BRPF3: variants seen among roughly 807,000 people sequenced by gnomAD.
BRPF3 encodes the protein bromodomain and PHD finger-containing protein 3.
Under a neutral mutation model 102.0 loss-of-function variants are expected in BRPF3, and 18 were observed. The observed-to-expected ratio is 0.18, with a 90% confidence interval of 0.12 to 0.26. The LOEUF is 0.26. Ranked by LOEUF, BRPF3 falls within the 10% of genes least tolerant of loss-of-function variation. The pLI is 1.00. For missense variants in BRPF3, 1,147 were observed against 1,567.8 expected, an observed-to-expected ratio of 0.73 and a Z score of 4.53; for synonymous variants, 570 against 614.2, an observed-to-expected ratio of 0.93 and a Z score of 1.06.
chr6:36,210,058 A>G lies in BRPF3; in HGVS notation c.1866+143A>G. The G allele has an allele frequency of 7.1e-7, 1 of 1,413,280 alleles. No individual in the cohort carries two copies. The highest frequency in any genetic ancestry group is 9.8e-7 in the Non-Finnish European group (1 of 1,024,854). The allele number at this position is 1,413,280 out of a possible 1,614,324, so 87.5% of individuals were successfully genotyped here. A position where few individuals can be genotyped will look rare whatever the true frequency, so the allele number is the denominator to read the frequency against. ...GGCAAAGCTAGTAGACTTGCCCTTG[A>G]TGAGGGGTCAGCAGGCCAGGGTGGG... On this transcript the variant is annotated intron_variant, in intron 5 of 12. Transcript: ENST00000357641. The surrounding 1 kb of genome is among the most constrained non-coding windows in gnomAD (Gnocchi z 4.7).
chr6:36,206,744 A>G (rs1165455173), intron 3 of BRPF3, among the ~76,000 whole-genome samples: 2 of 152,060 alleles, frequency 1.3e-5, no homozygotes, highest in Non-Finnish European at 2.9e-5. Flanking sequence ...ACCTACTCAG[A>G]TCTTCTATTT....
rs765132054 is a variant in BRPF3, at chr6:36,217,946, G to A, written c.3019G>A (p.Glu1007Lys). ...GMTNGFGKHT[E>K]SGSDSECSLG... ...GACCAACGGCTTTGGAAAACACACC[G>A]AAAGCGGGTCTGACTCTGAATGTAG... The change falls in exon 9 of 13, where the codon GAA (glutamate) becomes AAA (lysine). Residue 1007 changes from glutamate to lysine, a missense_variant. Physicochemically the swap from Glu to Lys is moderately conservative, Grantham distance 56. Coordinates refer to ENST00000357641, the MANE Select transcript of BRPF3 (RefSeq NM_015695.3). 42 of 1,613,624 alleles carry A rather than the reference G, an allele frequency of 2.6e-5. No individual in the cohort carries two copies. The highest frequency in any genetic ancestry group is 3.3e-5 in the Non-Finnish European group (39 of 1,179,786).
chr6:36,212,097 G>A (rs1490193538), intron 7 of BRPF3, among the ~76,000 whole-genome samples: 1 of 152,108 alleles, frequency 6.6e-6, no homozygotes, highest in East Asian at 1.9e-4. Flanking sequence ...AAGTAGAGAG[G>A]CCAGACTATA....
intron 11 of BRPF3, among the ~76,000 whole-genome samples, chr6:36,226,192 T>G (rs1203973637): frequency 2.0e-5 from 3 of 152,220 alleles, no homozygotes; most frequent in South Asian, 4.1e-4. Context: ...TTCCTTACAG[T>G]GAATTCTTAG....
intron 1 of BRPF3, chr6:36,197,180 G>C (rs1186452665): frequency 1.3e-5 from 2 of 152,254 alleles, no homozygotes; most frequent in Admixed American, 6.6e-5. Context: ...ACCCCCTCCC[G>C]CAGCCGCCAT....
Position 36,200,366 on chromosome 6 carries a change from G to A in BRPF3, c.44G>A (p.Arg15Gln), listed in dbSNP as rs756304125. 14 of 1,614,064 alleles carry A rather than the reference G, an allele frequency of 8.7e-6. No individual in the cohort carries two copies. The highest frequency in any genetic ancestry group is 1.7e-5 in the Admixed American group (1 of 59,996). ...RRKSRQNAEG[R>Q]RSPSPYSLKC... ...AAGTCCCGGCAGAATGCCGAGGGCCGGCGTTCCCCGTCCCCCTACAGTCTC... is the reference window on the plus strand; with the variant it reads ...AAGTCCCGGCAGAATGCCGAGGGCCAGCGTTCCCCGTCCCCCTACAGTCTC... Residue 15 changes from arginine to glutamine, a missense_variant, in exon 2 of 13, where the codon CGG becomes CAG. Coordinates refer to ENST00000357641, the MANE Select transcript of BRPF3 (RefSeq NM_015695.3). This position sits in a 1 kb window ranked among gnomAD's most constrained non-coding sequence, Gnocchi z 5.3.
At position 36,217,966 on chromosome 6, in the gene BRPF3, A is replaced by C; in HGVS notation, c.3039A>C (p.Glu1013Asp). 1 of 1,613,718 alleles carries C rather than the reference A, an allele frequency of 6.2e-7. No individual in the cohort carries two copies. Among genetic ancestry groups the C allele is most frequent in the South Asian group, 1.1e-5 (1 of 90,984 alleles). ...ACACCGAAAGCGGGTCTGACTCTGA[A>C]TGTAGTTTGGGTCTCAGTGGTGGAC... ...GKHTESGSDS[E>D]CSLGLSGGLA... The change falls in exon 9 of 13, where the codon GAA (glutamate) becomes GAC (aspartate). Residue 1013 changes from glutamate to aspartate, a missense_variant. This residue lies in a region of BRPF3 where 379 missense variants were observed against 426.3 expected (regional missense o/e 0.89). Transcript: ENST00000357641.
chr6:36,211,142 G>C, intron 6 of BRPF3, 116 bp from the exon 7 acceptor site: 1 of 1,200,966 alleles, frequency 8.3e-7, no homozygotes, highest in South Asian at 1.5e-5. Context: ...GCTGCTGGAA[G>C]CTGCTGGCCC....
intron 4 of BRPF3, among the ~76,000 whole-genome samples, chr6:36,208,583 CAT>C (rs900673953): frequency 6.6e-5 from 10 of 152,224 alleles, no homozygotes; most frequent in Admixed American, 1.3e-4. Context: ...GTTTCCTCCT[CAT>C]AGCCTGGGCA....
At chr6:36,225,479 G>GC in intron 11 of BRPF3, 115 bp downstream of exon 11, 1 of 946,588 alleles carries the variant, frequency 1.1e-6, no homozygotes, top group Non-Finnish European at 1.6e-6. Context: ...AGCTGTAGAG[G>GC]GGAGGGGGGT....
intron 3 of BRPF3, among the ~76,000 whole-genome samples, chr6:36,206,681 A>G (rs1031619253): frequency 1.3e-5 from 2 of 152,200 alleles, no homozygotes; most frequent in East Asian, 1.9e-4. Flanking sequence ...ACCTACCTGT[A>G]TGTTAAACTC....
At chr6:36,204,243 C>T (rs375809112) in intron 2 of BRPF3, among the ~76,000 whole-genome samples, 21 of 152,318 alleles carry the variant, frequency 1.4e-4, no homozygotes, top group East Asian at 1.3e-3. Context: ...GACTCTCAGC[C>T]GCAGAAGGCA....
chr6:36,199,468 C>G (rs562212682), intron 1 of BRPF3, among the ~76,000 whole-genome samples: 6 of 152,240 alleles, frequency 3.9e-5, no homozygotes, highest in Non-Finnish European at 7.4e-5. Context: ...AGTTTGAAGC[C>G]CTTAGACCAT....
At position 36,230,019 on chromosome 6, in the gene BRPF3, A is replaced by G. The variant is rs1421628285; in HGVS notation, c.3435-407A>G. Among the ~76,000 whole-genome samples, 2 of 152,344 alleles carry G rather than the reference A, an allele frequency of 1.3e-5. No homozygotes were observed. The highest frequency in any genetic ancestry group is 2.1e-4 in the South Asian group (1 of 4,828). ...TGCAGGTCCCACCACAGATGAGTTT[A>G]TCAGTTCCTGGCATCAGCTCTACTT... On this transcript the variant is annotated intron_variant, in intron 12 of 12. Coordinates refer to ENST00000357641, the MANE Select transcript of BRPF3 (RefSeq NM_015695.3). The surrounding 1 kb of genome is among the most constrained non-coding windows in gnomAD (Gnocchi z 5.4).
chr6:36,227,662 T>C (rs866382996), intron 11 of BRPF3, among the ~76,000 whole-genome samples: 2 of 152,176 alleles, frequency 1.3e-5, no homozygotes, highest in Non-Finnish European at 2.9e-5. Flanking sequence ...ACTGTCTTGT[T>C]TGGTAATCAA....
In BRPF3 at chr6:36,201,117, G is replaced by A. The variant is rs776000027; in HGVS notation, c.795G>A (p.Arg265=). 1.2e-6 allele frequency: 2 copies of A among 1,614,148 alleles called. No individual in the cohort carries two copies. Among genetic ancestry groups the A allele is most frequent in the Non-Finnish European group, 1.7e-6 (2 of 1,180,014 alleles). ...GCTGCTGCCTGCAGTCTCCCTCCCGGCCTGTGGATTGCATCCTTTGCCCCA... is the reference window on the plus strand; with the variant it reads ...GCTGCTGCCTGCAGTCTCCCTCCCGACCTGTGGATTGCATCCTTTGCCCCA... The part of the protein sequence containing the change: ...LCRCCLQSPS[R]PVDCILCPNK... Residue 265 remains arginine (R), a synonymous_variant, in exon 2 of 13, where the codon CGG becomes CGA. Coordinates refer to ENST00000357641, the MANE Select transcript of BRPF3 (RefSeq NM_015695.3). The surrounding 1 kb of genome is among the most constrained non-coding windows in gnomAD (Gnocchi z 5.1).
chr6:36,228,957 C>T lies in BRPF3; in HGVS notation c.3335C>T (p.Pro1112Leu), dbSNP rs1452180112. 2 of 1,614,236 alleles carry T rather than the reference C, an allele frequency of 1.2e-6. No individual in the cohort carries two copies. Among genetic ancestry groups the T allele is most frequent in the Non-Finnish European group, 1.7e-6 (2 of 1,180,038 alleles). ...EGLLHNGVPI[P>L]VPPLDVLKLG... ...CTCCTGCACAATGGCGTTCCCATCC[C>T]TGTCCCCCCGCTGGACGTGCTGAAG... The change falls in exon 12 of 13, where the codon CCT becomes CTT. Residue 1112 changes from proline (P) to leucine (L), a missense_variant. Around this residue, in one of 11 missense-constraint regions of BRPF3, gnomAD observed 85 missense variants for 172.9 expected, o/e 0.49. Transcript: ENST00000357641.
intron 10 of BRPF3, among the ~76,000 whole-genome samples, chr6:36,224,768 G>A (rs1211907446): frequency 6.6e-6 from 1 of 152,160 alleles, no homozygotes; most frequent in Non-Finnish European, 1.5e-5. Context: ...CTGTCTTAGG[G>A]TTCTAGTTCA....
At chr6:36,198,216 G>T (rs1377219279) in intron 1 of BRPF3, among the ~76,000 whole-genome samples, 1 of 152,162 alleles carries the variant, frequency 6.6e-6, no homozygotes, top group Admixed American at 6.5e-5. Context: ...AGCCAAATTG[G>T]TTTTTTGTTT....
Sources: gnomAD v4.1 joint callset for allele counts (sites outside exome capture counted in the v4.1 genomes callset) on GRCh38, gnomAD v4.1.1 for gene constraint, gnomAD v4.1.1 regional missense constraint, Gnocchi (gnomAD v3.1) non-coding constraint, MANE v1.5 for transcripts, NCBI Gene and HGNC (gene_info 2026-07-23, HGNC 2026-07-21) for gene names.